RGS17: variants seen among roughly 807,000 people sequenced by gnomAD.
RGS17 encodes the protein regulator of G protein signaling 17, also known as regulator of G-protein signaling 17.
A neutral mutation model predicts 25.5 loss-of-function variants in RGS17; 12 were observed. The observed-to-expected ratio is 0.47, with a 90% CI of 0.30 to 0.76. The LOEUF (loss-of-function observed/expected upper bound fraction) is 0.76. Among genes scored for constraint, RGS17 ranks in the 30% least tolerant of loss-of-function variants. RGS17 has a pLI of 0.07. For missense variants in RGS17, 196 were observed against 242.2 expected (o/e 0.81, Z 1.27); for synonymous variants, 71 against 76.9 (o/e 0.92, Z 0.40).
intron 1 of RGS17, 88 bp downstream of exon 1, chr6:153,131,035 CT>C (rs979076145): frequency 2.0e-5 from 3 of 152,164 alleles, no homozygotes; most frequent in Non-Finnish European, 2.9e-5. Context: ...CACCTCCCCC[CT>C]ACCTTGAAAA....
rs573305938 is a variant in RGS17 at position 153,127,815 on chromosome 6, T to C, written c.-26+3309A>G. On this transcript the variant is annotated intron_variant, in intron 1 of 4. Transcript: ENST00000206262. ...AGTTTTAGGAGCCCAACTAGTGTAC[T>C]TGGTAAACAGTGTAAGTGCTGATTT... is the stretch of plus-strand genomic sequence containing the variant. Among the ~76,000 whole-genome samples, 5 of 152,320 alleles carry C rather than the reference T, an allele frequency of 3.3e-5. No homozygotes were observed. The East Asian group carries it at 9.6e-4, about 29-fold the overall frequency.
rs533625753 is a variant in RGS17, at chr6:153,130,071, A to G, written c.-26+1053T>C. ...AGGTGCCAGCAGCCTCGGGCTCGCGAGGAGCAGCTCCCACCCGCGGCTTCC... is the reference window on the plus strand; with the variant it reads ...AGGTGCCAGCAGCCTCGGGCTCGCGGGGAGCAGCTCCCACCCGCGGCTTCC... On this transcript the variant is annotated intron_variant, in intron 1 of 4. Coordinates refer to ENST00000206262, the MANE Select transcript of RGS17 (RefSeq NM_012419.5). The surrounding 1 kb of genome is among the most constrained non-coding windows in gnomAD (Gnocchi z 6.4). Among the ~76,000 whole-genome samples the G allele has an allele frequency of 5.9e-5, 9 of 152,168 alleles. No individual in the cohort carries two copies. Among genetic ancestry groups the G allele is most frequent in the Non-Finnish European group, 1.5e-5 (1 of 67,990 alleles).
intron 1 of RGS17, among the ~76,000 whole-genome samples, chr6:153,045,468 G>A (rs1373367210): frequency 6.6e-6 from 1 of 152,176 alleles, no homozygotes. Context: ...CAGCTTATTT[G>A]TTCAGTGACT....
chr6:153,127,978 G>A (rs371776221), intron 1 of RGS17, among the ~76,000 whole-genome samples: 10 of 152,104 alleles, frequency 6.6e-5, no homozygotes, highest in African/African-American at 9.7e-5. Context: ...AGGAATGATC[G>A]TCTAAATGAA....
intron 1 of RGS17, among the ~76,000 whole-genome samples, chr6:153,077,196 T>G (rs1562327777): frequency 6.6e-6 from 1 of 152,162 alleles, no homozygotes; most frequent in African/African-American, 2.4e-5. Flanking sequence ...AAGGAAGAAG[T>G]TGAATGATAT....
chr6:153,122,996 AGTACATCAGAGTAC>A (rs1777657599), intron 1 of RGS17, among the ~76,000 whole-genome samples: 1 of 107,336 alleles, frequency 9.3e-6, no homozygotes. Context: ...AGTACATTGG[AGTACATCAGAGTAC>A]ATTGGAGTAT....
At chr6:153,031,456 A>G (rs898445161) in intron 2 of RGS17, among the ~76,000 whole-genome samples, 10 of 152,210 alleles carry the variant, frequency 6.6e-5, no homozygotes, top group African/African-American at 2.4e-4. Context: ...TTCCTCATCC[A>G]TTACCTTGTC....
chr6:153,116,017 A>G (rs1241511779), intron 1 of RGS17, among the ~76,000 whole-genome samples: 1 of 152,192 alleles, frequency 6.6e-6, no homozygotes, highest in Non-Finnish European at 1.5e-5. Context: ...GCATGGGCAA[A>G]AACTTCATGA....
intron 1 of RGS17, among the ~76,000 whole-genome samples, chr6:153,122,790 C>T (rs1313972773): frequency 6.6e-6 from 1 of 151,900 alleles, no homozygotes; most frequent in Admixed American, 6.5e-5. Context: ...AGCAAAGATG[C>T]TCCTTTCTCC....
chr6:153,106,049 G>C (rs376875594), intron 1 of RGS17, among the ~76,000 whole-genome samples: 1 of 152,126 alleles, frequency 6.6e-6, no homozygotes, highest in African/African-American at 2.4e-5. Context: ...CAGAACAGAG[G>C]TAAGGAGTCC....
chr6:153,088,839 A>G (rs904386877), intron 1 of RGS17, among the ~76,000 whole-genome samples: 3 of 151,848 alleles, frequency 2.0e-5, no homozygotes, highest in Non-Finnish European at 4.4e-5. Flanking sequence ...TTCAGATTAG[A>G]CCTCCCTGAG....
chr6:153,072,457 C>A (rs1455464961), intron 1 of RGS17, among the ~76,000 whole-genome samples: 1 of 152,180 alleles, frequency 6.6e-6, no homozygotes, highest in African/African-American at 2.4e-5. Context: ...ACTCTCGTAA[C>A]AAACCTATAG....
In RGS17 at chr6:153,023,032, C is replaced by A. The variant is rs185265022; in HGVS notation, c.444+1230G>T. Among the ~76,000 whole-genome samples the A allele has an allele frequency of 2.6e-3, 390 of 152,158 alleles. 3 individuals are homozygous for A. The highest frequency in any genetic ancestry group is 4.1e-3 in the Non-Finnish European group (281 of 68,012). On this transcript the variant is annotated intron_variant, in intron 4 of 4. Transcript: ENST00000206262. ...TAGAAGGTTTCTCATTTTGTAGAGA[C>A]AATAGTCCTGGAGCACTCTGGAATA... is the stretch of plus-strand genomic sequence containing the variant.
At chr6:153,084,773 A>G (rs1478342488) in intron 1 of RGS17, among the ~76,000 whole-genome samples, 1 of 152,154 alleles carries the variant, frequency 6.6e-6, no homozygotes, top group Non-Finnish European at 1.5e-5. Flanking sequence ...AGAGTGGCCA[A>G]AAGTATACAC....
chr6:153,070,678 T>TGC lies in RGS17; in HGVS notation c.-25-26636_-25-26635insGC, dbSNP rs1302668664. Among the ~76,000 whole-genome samples the TGC allele has an allele frequency of 8.2e-3, 317 of 38,780 alleles. 7 individuals are homozygous for TGC. In the East Asian group the frequency reaches 0.083, roughly 10 times the overall value. 25.4% of individuals were successfully genotyped at this position (38,780 alleles called of 152,430 possible). A position where few individuals can be genotyped will look rare whatever the true frequency, so the allele number is the denominator to read the frequency against. ...CCTCAGTACCACATGGAAGATTGTG[T>TGC]GTGTGTGTGTGTGTGTGTGTGTGTA... On this transcript the variant is annotated intron_variant, in intron 1 of 4. Coordinates refer to ENST00000206262, the MANE Select transcript of RGS17 (RefSeq NM_012419.5).
At chr6:153,012,312 C>T (rs1419599864) in intron 4 of RGS17, among the ~76,000 whole-genome samples, 1 of 152,188 alleles carries the variant, frequency 6.6e-6, no homozygotes, top group Non-Finnish European at 1.5e-5. Context: ...TCAGGTCTCA[C>T]ATCTACCTGG....
intron 1 of RGS17, among the ~76,000 whole-genome samples, chr6:153,065,463 A>C (rs779738213): frequency 6.6e-6 from 1 of 152,214 alleles, no homozygotes; most frequent in Non-Finnish European, 1.5e-5. Flanking sequence ...ACAGATATTT[A>C]CAGAACATTT....
At chr6:153,081,683 C>T (rs1184325850) in intron 1 of RGS17, among the ~76,000 whole-genome samples, 2 of 151,916 alleles carry the variant, frequency 1.3e-5, no homozygotes. Flanking sequence ...GCCCCCAGTT[C>T]CCTGTGCTAT....
intron 2 of RGS17, among the ~76,000 whole-genome samples, chr6:153,042,028 A>C (rs1776328525): frequency 6.6e-6 from 1 of 152,208 alleles, no homozygotes; most frequent in Non-Finnish European, 1.5e-5. Context: ...GCTGAAGGTC[A>C]CACAGATAGA....
Sources: gnomAD v4.1 joint callset for allele counts (sites outside exome capture counted in the v4.1 genomes callset) on GRCh38, gnomAD v4.1.1 for gene constraint, Gnocchi (gnomAD v3.1) non-coding constraint, MANE v1.5 for transcripts, NCBI Gene and HGNC (gene_info 2026-07-23, HGNC 2026-07-21) for gene names.